Variants in BCKDHB observed in about 807,000 individuals in gnomAD.
BCKDHB encodes branched chain keto acid dehydrogenase E1 subunit beta, also known as 2-oxoisovalerate dehydrogenase subunit beta, mitochondrial.
In BCKDHB, 41 loss-of-function variants were observed where a neutral mutation model predicts 48.5. That is an observed-to-expected ratio of 0.85 (90% confidence interval 0.66 to 1.10). The LOEUF (loss-of-function observed/expected upper bound fraction) is 1.10, where lower values mean the gene tolerates loss of function less well. BCKDHB is among the 50% of genes least tolerant of loss of function. The pLI, the probability that BCKDHB is intolerant of heterozygous loss-of-function variation, is 0.00. For synonymous variants in BCKDHB, 201 were observed against 174.8 expected (o/e 1.15, Z -1.18); for missense variants, 496 against 494.2 (o/e 1.00, Z -0.03).
the BCKDHB span, among the ~76,000 whole-genome samples, chr6:80,365,824 A>G: frequency 6.6e-6 from 1 of 152,310 alleles, no homozygotes; most frequent in East Asian, 1.9e-4. Context: ...GAATCTTCAC[A>G]ATTTATGTTC....
At chr6:80,125,922 G>A (rs537156809) in intron 1 of BCKDHB, among the ~76,000 whole-genome samples, 3 of 152,260 alleles carry the variant, frequency 2.0e-5, no homozygotes, top group East Asian at 3.9e-4. Context: ...TAGATACAGG[G>A]TTGCTACAAA....
the BCKDHB span, among the ~76,000 whole-genome samples, chr6:80,359,195 T>C: frequency 6.6e-6 from 1 of 152,126 alleles, no homozygotes; most frequent in Non-Finnish European, 1.5e-5. Flanking sequence ...TCCCAAAGCC[T>C]CTCCCTCTCA....
At chr6:80,370,786 TATATATAGC>T in the BCKDHB span, among the ~76,000 whole-genome samples, 143 of 128,750 alleles carry the variant, frequency 1.1e-3, 1 homozygote, top group South Asian at 5.7e-3. Flanking sequence ...CGTGTGTGTG[TATATATAGC>T]GTGTGTGTGT....
chr6:80,305,068 G>A (rs1371305689), intron 9 of BCKDHB, among the ~76,000 whole-genome samples: 3 of 152,110 alleles, frequency 2.0e-5, no homozygotes, highest in Non-Finnish European at 2.9e-5. Context: ...TAAAAATGCC[G>A]TTCATTGACA....
intron 3 of BCKDHB, among the ~76,000 whole-genome samples, chr6:80,131,351 A>G (rs903662498): frequency 6.6e-6 from 1 of 152,208 alleles, no homozygotes; most frequent in African/African-American, 2.4e-5. Flanking sequence ...TTTGGTGAAT[A>G]TATCACCATC....
chr6:80,327,511 G>A (rs1262885582), intron 9 of BCKDHB, among the ~76,000 whole-genome samples: 1 of 152,152 alleles, frequency 6.6e-6, no homozygotes, highest in African/African-American at 2.4e-5. Flanking sequence ...AAAGGAAAGA[G>A]GTTTAATTGA....
chr6:80,373,888 A>G, the BCKDHB span: 1 of 387,666 alleles, frequency 2.6e-6, no homozygotes, highest in Non-Finnish European at 4.9e-6. Flanking sequence ...CCTTAAGTTT[A>G]TGTGAATCCT....
At chr6:80,394,238 C>A in the BCKDHB span, among the ~76,000 whole-genome samples, 1 of 152,048 alleles carries the variant, frequency 6.6e-6, no homozygotes, top group Non-Finnish European at 1.5e-5. Flanking sequence ...TCTACTGTTT[C>A]AATCTCTTTA....
At chr6:80,132,585 A>T (rs1424222311) in intron 3 of BCKDHB, among the ~76,000 whole-genome samples, 1 of 152,198 alleles carries the variant, frequency 6.6e-6, no homozygotes, top group Non-Finnish European at 1.5e-5. Context: ...CAGTGCTCTT[A>T]GAGGGTACCT....
chr6:80,423,180 C>T, the BCKDHB span, among the ~76,000 whole-genome samples: 1 of 151,070 alleles, frequency 6.6e-6, no homozygotes, highest in East Asian at 1.9e-4. Flanking sequence ...GGTAGTGTTC[C>T]CTATGCTCTC....
chr6:80,137,524 T>G (rs1655464110), intron 3 of BCKDHB, among the ~76,000 whole-genome samples: 1 of 152,198 alleles, frequency 6.6e-6, no homozygotes, highest in South Asian at 2.1e-4. Context: ...TTCTCACTGT[T>G]GGCTTGTTGA....
intron 8 of BCKDHB, among the ~76,000 whole-genome samples, chr6:80,222,643 G>A (rs1180750296): frequency 3.3e-5 from 5 of 151,964 alleles, no homozygotes; most frequent in South Asian, 4.2e-4. Context: ...TAGTGTTCCC[G>A]TGGCATTTTC....
chr6:80,370,006 A>G, the BCKDHB span, among the ~76,000 whole-genome samples: 2 of 152,172 alleles, frequency 1.3e-5, no homozygotes, highest in African/African-American at 4.8e-5. Flanking sequence ...CTTCTGTGAC[A>G]TTTCTTATGC....
the BCKDHB span, among the ~76,000 whole-genome samples, chr6:80,388,295 A>T: frequency 6.6e-6 from 1 of 152,186 alleles, no homozygotes; most frequent in Non-Finnish European, 1.5e-5. Flanking sequence ...TGTCAGTGGC[A>T]GATAGGGATG....
intron 9 of BCKDHB, among the ~76,000 whole-genome samples, chr6:80,276,879 AAC>A (rs956690565): frequency 1.3e-5 from 2 of 152,052 alleles, no homozygotes; most frequent in Non-Finnish European, 2.9e-5. Flanking sequence ...AAAAATAAAA[AAC>A]AGTGCATCTA....
intron 9 of BCKDHB, among the ~76,000 whole-genome samples, chr6:80,277,097 A>G (rs1016978216): frequency 9.9e-5 from 15 of 152,056 alleles, no homozygotes; most frequent in Non-Finnish European, 2.9e-5. Context: ...CTTTTACTTG[A>G]CACATACTAT....
chr6:80,408,987 CT>C, the BCKDHB span, among the ~76,000 whole-genome samples: 12 of 152,042 alleles, frequency 7.9e-5, no homozygotes, highest in Admixed American at 7.9e-4. Context: ...TTAGATCTTT[CT>C]TGCTTTCTTT....
chr6:80,442,189 A>T, the BCKDHB span, among the ~76,000 whole-genome samples: 1 of 152,166 alleles, frequency 6.6e-6, no homozygotes, highest in Non-Finnish European at 1.5e-5. Context: ...GTTCGTAATG[A>T]TAATCTTGGA....
chr6:80,147,446 T>A (rs1351081214), intron 3 of BCKDHB, among the ~76,000 whole-genome samples: 1 of 152,220 alleles, frequency 6.6e-6, no homozygotes, highest in Non-Finnish European at 1.5e-5. Context: ...TGCATTAGAT[T>A]ACAAATAATT....
Sources: gnomAD v4.1 joint callset for allele counts (sites outside exome capture counted in the v4.1 genomes callset) on GRCh38, gnomAD v4.1.1 for gene constraint, MANE v1.5 for transcripts, NCBI Gene and HGNC (gene_info 2026-07-23, HGNC 2026-07-21) for gene names.